Variants in HNRNPC observed in about 807,000 individuals in gnomAD.
HNRNPC encodes heterogeneous nuclear ribonucleoproteins C1/C2.
HNRNPC carries 3 observed loss-of-function variants against 33.2 expected under a neutral mutation model. The ratio of observed to expected loss-of-function variants is 0.09; its 90% CI spans 0.04 to 0.23. HNRNPC has a LOEUF of 0.23. HNRNPC is among the 10% of genes least tolerant of loss of function. The pLI, the probability that HNRNPC is intolerant of heterozygous loss-of-function variation, is 1.00. For synonymous variants in HNRNPC, 121 were observed against 126.7 expected, an observed-to-expected ratio of 0.96 and a Z score of 0.30; for missense variants, 143 against 366.7, an observed-to-expected ratio of 0.39 and a Z score of 4.98.
Position 21,233,283 on chromosome 14 carries a change from A to C in HNRNPC, c.241+670T>G, listed in dbSNP as rs145848749. ...TCAAAGAATTGTTTCACATAACTCT[A>C]ACCTACCATGCTTTGAGTCAATATA... On this transcript the variant is annotated intron_variant, in intron 3 of 8. Transcript: ENST00000553300. Among the ~76,000 whole-genome samples, 806 of 152,342 alleles carry C rather than the reference A, an allele frequency of 5.3e-3. 6 individuals are homozygous for C. Among genetic ancestry groups the C allele is most frequent in the African/African-American group, 0.018 (737 of 41,576 alleles).
chr14:21,231,845 A>C (rs566693818), intron 3 of HNRNPC, among the ~76,000 whole-genome samples: 1 of 152,362 alleles, frequency 6.6e-6, no homozygotes, highest in African/African-American at 2.4e-5. Flanking sequence ...AGAATGGTTC[A>C]GCTCATTCCG....
At chr14:21,229,945 T>C (rs1893926701) in intron 5 of HNRNPC, among the ~76,000 whole-genome samples, 1 of 152,220 alleles carries the variant, frequency 6.6e-6, no homozygotes, top group South Asian at 2.1e-4. Context: ...ACTGATGTTA[T>C]CAGAATGTCA....
In HNRNPC at chr14:21,231,506, T is replaced by C; in HGVS notation, c.242-434A>G. On this transcript the variant is annotated intron_variant, in intron 3 of 8. Transcript: ENST00000553300. ...GGGACCACCACGCCTGGTTAATTTT[T>C]CTATTTTTCGTAGGGACGAACTCTT... is the stretch of plus-strand genomic sequence containing the variant. 9.6e-6 allele frequency: 4 copies of C among 415,632 alleles called. No homozygotes were observed. In the Admixed American group the frequency reaches 1.1e-4, roughly 12 times the overall value. 25.7% of individuals were successfully genotyped at this position (415,632 alleles called of 1,614,324 possible).
At chr14:21,259,394 G>C (rs1877789129) in intron 2 of HNRNPC, among the ~76,000 whole-genome samples, 1 of 152,096 alleles carries the variant, frequency 6.6e-6, no homozygotes, top group Non-Finnish European at 1.5e-5. Flanking sequence ...TAATATCTAA[G>C]AGGGCAGGGG....
chr14:21,220,774 T>G (rs1027450374), intron 5 of HNRNPC, among the ~76,000 whole-genome samples: 3 of 151,644 alleles, frequency 2.0e-5, no homozygotes, highest in African/African-American at 7.3e-5. Context: ...GAAAATCGAA[T>G]AAAAGTTGAA....
At chr14:21,247,015 AG>A (rs1359807201) in intron 2 of HNRNPC, among the ~76,000 whole-genome samples, 1 of 152,224 alleles carries the variant, frequency 6.6e-6, no homozygotes, top group Admixed American at 6.5e-5. Flanking sequence ...GCTTCTACTC[AG>A]CAGGAGCTCA....
chr14:21,213,185 T>TA, intron 5 of HNRNPC, 68 bp from the exon 6 acceptor site: 2 of 1,453,220 alleles, frequency 1.4e-6, no homozygotes, highest in African/African-American at 2.8e-5. Context: ...CAACAGACCT[T>TA]ATGATAAATA....
intron 5 of HNRNPC, among the ~76,000 whole-genome samples, chr14:21,227,536 C>T (rs941518998): frequency 3.9e-5 from 6 of 152,188 alleles, no homozygotes; most frequent in Admixed American, 6.5e-5. Context: ...TTGCTTTTTA[C>T]CGTTCAAAGA....
At chr14:21,218,693 A>AAC (rs1428209783) in intron 5 of HNRNPC, among the ~76,000 whole-genome samples, 8 of 148,978 alleles carry the variant, frequency 5.4e-5, no homozygotes. Context: ...AAAAAAAAAA[A>AAC]AAAAAAAAAA....
chr14:21,247,242 A>AT lies in HNRNPC; in HGVS notation c.-36-13014_-36-13013insA, dbSNP rs202125464. Among the ~76,000 whole-genome samples the AT allele has an allele frequency of 2.4e-3, 362 of 152,272 alleles. 2 individuals are homozygous for AT. Among genetic ancestry groups the AT allele is most frequent in the African/African-American group, 6.9e-3 (285 of 41,560 alleles). ...AGCAGTTCGTATTTCATCCTCTTCT[A>AT]CCTAGTTCATAATCACTAAAGATCA... On this transcript the variant is annotated intron_variant, in intron 2 of 8. Transcript: ENST00000553300.
intron 2 of HNRNPC, chr14:21,262,868 TAAAAA>T (rs1878458163): frequency 1.3e-5 from 2 of 151,400 alleles, no homozygotes; most frequent in South Asian, 4.2e-4. Flanking sequence ...AGATTAAAAA[TAAAAA>T]AACAAAAATA....
At chr14:21,257,570 A>G (rs1437989969) in intron 2 of HNRNPC, among the ~76,000 whole-genome samples, 1 of 152,108 alleles carries the variant, frequency 6.6e-6, no homozygotes, top group Non-Finnish European at 1.5e-5. Flanking sequence ...AGAAAAAAAA[A>G]AAAGATAGCT....
At chr14:21,251,962 T>A (rs182153772) in intron 2 of HNRNPC, among the ~76,000 whole-genome samples, 1 of 152,306 alleles carries the variant, frequency 6.6e-6, no homozygotes, top group Admixed American at 6.5e-5. Context: ...AACAAAATAA[T>A]AACCTAGCAG....
At chr14:21,242,178 CAT>C (rs1895426873) in intron 2 of HNRNPC, among the ~76,000 whole-genome samples, 1 of 151,954 alleles carries the variant, frequency 6.6e-6, no homozygotes, top group African/African-American at 2.4e-5. Context: ...TAAATATAAT[CAT>C]ATATAATAAT....
At chr14:21,211,603 A>ACC (rs1566590961) in intron 7 of HNRNPC, 37 bp from the exon 8 acceptor site, 2 of 1,582,514 alleles carry the variant, frequency 1.3e-6, no homozygotes, top group East Asian at 4.6e-5. Context: ...TAGGGGCAGT[A>ACC]ATGTCCACAG....
chr14:21,237,837 T>C (rs555183808), intron 2 of HNRNPC, among the ~76,000 whole-genome samples: 1 of 152,238 alleles, frequency 6.6e-6, no homozygotes, highest in South Asian at 2.1e-4. Context: ...AATGGAGCAA[T>C]CTTGGCTCAC....
At chr14:21,250,047 A>G (rs1390047339) in intron 2 of HNRNPC, among the ~76,000 whole-genome samples, 2 of 152,156 alleles carry the variant, frequency 1.3e-5, no homozygotes, top group Non-Finnish European at 2.9e-5. Flanking sequence ...ATGAATGAAA[A>G]TAACAGCATG....
intron 1 of HNRNPC, among the ~76,000 whole-genome samples, chr14:21,267,889 A>C (rs1879278867): frequency 6.6e-6 from 1 of 152,194 alleles, no homozygotes; most frequent in South Asian, 2.1e-4. Flanking sequence ...CATTTCTAAC[A>C]GTTCAGCACA....
intron 5 of HNRNPC, among the ~76,000 whole-genome samples, chr14:21,223,560 G>A (rs1436752600): frequency 1.3e-5 from 2 of 151,978 alleles, no homozygotes; most frequent in Non-Finnish European, 2.9e-5. Flanking sequence ...ATGAGCCTGG[G>A]CAACATGACA....
Sources: gnomAD v4.1 joint callset for allele counts (sites outside exome capture counted in the v4.1 genomes callset) on GRCh38, gnomAD v4.1.1 for gene constraint, MANE v1.5 for transcripts, NCBI Gene and HGNC (gene_info 2026-07-23, HGNC 2026-07-21) for gene names.